Variants in PLPPR1 observed in about 807,000 individuals in gnomAD.
PLPPR1 encodes phospholipid phosphatase-related protein type 1.
In PLPPR1, 10 loss-of-function variants were observed where a neutral mutation model predicts 33.1. The observed-to-expected ratio is 0.30, with a 90% CI of 0.19 to 0.51. PLPPR1 has a LOEUF of 0.51. PLPPR1 is among the 20% of genes least tolerant of loss of function. PLPPR1 has a pLI of 0.97. For synonymous variants in PLPPR1, 151 were observed against 151.0 expected, an observed-to-expected ratio of 1.00 and a Z score of 0.00; for missense variants, 304 against 408.1, an observed-to-expected ratio of 0.74 and a Z score of 2.20.
chr9:101,090,452 T>C (rs1390068702), intron 1 of PLPPR1, among the ~76,000 whole-genome samples: 1 of 152,202 alleles, frequency 6.6e-6, no homozygotes, highest in African/African-American at 2.4e-5. Context: ...TGCACACACA[T>C]GCAGGTGTTG....
At chr9:101,143,258 A>G (rs1305969589) in intron 1 of PLPPR1, among the ~76,000 whole-genome samples, 1 of 152,158 alleles carries the variant, frequency 6.6e-6, no homozygotes, top group Non-Finnish European at 1.5e-5. Context: ...CAAATCATCT[A>G]GAGAGATTAC....
At chr9:101,253,623 T>G (rs968518092) in intron 2 of PLPPR1, among the ~76,000 whole-genome samples, 6 of 152,160 alleles carry the variant, frequency 3.9e-5, no homozygotes, top group African/African-American at 1.4e-4. Flanking sequence ...CAAGTCAGAT[T>G]TATTACAACC....
chr9:101,301,700 A>G (rs1263663404), intron 4 of PLPPR1, among the ~76,000 whole-genome samples: 1 of 152,226 alleles, frequency 6.6e-6, no homozygotes, highest in Non-Finnish European at 1.5e-5. Flanking sequence ...AGCACAATAT[A>G]TAGGGCATAT....
At chr9:101,031,422 CA>C (rs1829943420) in intron 1 of PLPPR1, among the ~76,000 whole-genome samples, 1 of 152,056 alleles carries the variant, frequency 6.6e-6, no homozygotes, top group South Asian at 2.1e-4. Flanking sequence ...GTTGTAAATA[CA>C]AGATGAACAC....
chr9:101,050,481 C>T (rs996035597), intron 1 of PLPPR1, among the ~76,000 whole-genome samples: 28 of 152,140 alleles, frequency 1.8e-4, no homozygotes, highest in Admixed American at 9.2e-4. Context: ...ATCCAGACAT[C>T]TGTGAGGAAG....
intron 2 of PLPPR1, among the ~76,000 whole-genome samples, chr9:101,228,428 A>G (rs1213441527): frequency 6.6e-6 from 1 of 152,128 alleles, no homozygotes; most frequent in African/African-American, 2.4e-5. Context: ...TCACCTGTTA[A>G]TGGATGTGAT....
At chr9:101,124,853 C>T (rs370827978) in intron 1 of PLPPR1, among the ~76,000 whole-genome samples, 53 of 152,316 alleles carry the variant, frequency 3.5e-4, no homozygotes, top group African/African-American at 1.1e-3. Context: ...CTAAGGCCTG[C>T]GGCCTTAAGA....
At chr9:101,144,645 T>C (rs1054195794) in intron 1 of PLPPR1, among the ~76,000 whole-genome samples, 1 of 152,180 alleles carries the variant, frequency 6.6e-6, no homozygotes, top group Non-Finnish European at 1.5e-5. Flanking sequence ...AGAAGATTAA[T>C]TTCTGTTCTT....
chr9:101,032,275 A>G (rs986413274), intron 1 of PLPPR1, among the ~76,000 whole-genome samples: 1 of 152,200 alleles, frequency 6.6e-6, no homozygotes, highest in Non-Finnish European at 1.5e-5. Context: ...AGACATGATC[A>G]GATTTGCATT....
chr9:101,228,463 G>T (rs941908923), intron 2 of PLPPR1, among the ~76,000 whole-genome samples: 8 of 151,968 alleles, frequency 5.3e-5, no homozygotes, highest in African/African-American at 1.9e-4. Context: ...CTAGAGGGTT[G>T]GTCAGAATAT....
chr9:101,303,449 G>A (rs1483510968), intron 4 of PLPPR1, among the ~76,000 whole-genome samples: 1 of 152,130 alleles, frequency 6.6e-6, no homozygotes, highest in East Asian at 1.9e-4. Context: ...TTACAGGCAT[G>A]CATCACCATA....
chr9:101,255,238 T>C (rs2118871471), intron 2 of PLPPR1, among the ~76,000 whole-genome samples: 1 of 152,244 alleles, frequency 6.6e-6, no homozygotes, highest in African/African-American at 2.4e-5. Flanking sequence ...TTGTGCAGTT[T>C]GTCAATTTCC....
intron 1 of PLPPR1, among the ~76,000 whole-genome samples, chr9:101,171,269 A>G (rs112623167): frequency 6.6e-6 from 1 of 152,196 alleles, no homozygotes; most frequent in Non-Finnish European, 1.5e-5. Flanking sequence ...GACTAGTCTT[A>G]TGAACAAGGA....
At chr9:101,055,464 A>T (rs1039316107) in intron 1 of PLPPR1, among the ~76,000 whole-genome samples, 1 of 152,236 alleles carries the variant, frequency 6.6e-6, no homozygotes, top group African/African-American at 2.4e-5. Flanking sequence ...AGTAAATCAA[A>T]AGATCGGTTA....
intron 2 of PLPPR1, among the ~76,000 whole-genome samples, chr9:101,209,770 T>G (rs1826656916): frequency 6.6e-6 from 1 of 152,212 alleles, no homozygotes; most frequent in Admixed American, 6.5e-5. Flanking sequence ...AGGTAGTCAC[T>G]CTAACGAATT....
chr9:101,061,216 A>G (rs926818104), intron 1 of PLPPR1, among the ~76,000 whole-genome samples: 4 of 151,944 alleles, frequency 2.6e-5, no homozygotes, highest in Admixed American at 1.3e-4. Flanking sequence ...CCATTCTAAT[A>G]TCTTGAAATT....
chr9:101,309,162 A>G, intron 4 of PLPPR1, 49 bp from the exon 5 acceptor site: 1 of 1,599,536 alleles, frequency 6.3e-7, no homozygotes, highest in African/African-American at 1.3e-5. Context: ...AGAAAAATGC[A>G]ATTGACAGAG....
intron 2 of PLPPR1, among the ~76,000 whole-genome samples, chr9:101,235,079 G>T (rs777170328): frequency 4.0e-5 from 6 of 151,850 alleles, no homozygotes; most frequent in Non-Finnish European, 8.8e-5. Context: ...GATGTGGAAA[G>T]AATTGCATTT....
At chr9:101,270,530 G>A (rs768887900) in intron 3 of PLPPR1, among the ~76,000 whole-genome samples, 2 of 152,192 alleles carry the variant, frequency 1.3e-5, no homozygotes, top group Non-Finnish European at 2.9e-5. Flanking sequence ...CCAGAGATGA[G>A]AGAAATTGCT....
Sources: gnomAD v4.1 joint callset for allele counts (sites outside exome capture counted in the v4.1 genomes callset) on GRCh38, gnomAD v4.1.1 for gene constraint, MANE v1.5 for transcripts, NCBI Gene and HGNC (gene_info 2026-07-23, HGNC 2026-07-21) for gene names.